HROB: variants seen among roughly 807,000 people sequenced by gnomAD.
HROB encodes the protein homologous recombination OB-fold protein.
In HROB, 44 loss-of-function variants were observed where a neutral mutation model predicts 61.0. The observed-to-expected ratio is 0.72, with a 90% CI of 0.57 to 0.93. The LOEUF is 0.93. Ranked by LOEUF, HROB falls within the 40% of genes least tolerant of loss-of-function variation. The pLI, the probability that HROB is intolerant of heterozygous loss-of-function variation, is 0.00. For synonymous variants in HROB, 301 were observed against 310.4 expected (o/e 0.97, Z 0.32); for missense variants, 716 against 796.2 (o/e 0.90, Z 1.21).
intron 8 of HROB, among the ~76,000 whole-genome samples, chr17:44,156,798 G>A (rs569550600): frequency 6.6e-6 from 1 of 152,194 alleles, no homozygotes; most frequent in South Asian, 2.1e-4. Context: ...GAGTAGCTGG[G>A]ATTACAGGTG....
In HROB at chr17:44,157,946, A is replaced by G. The variant is rs2144094988; in HGVS notation, c.1879+5A>G. 1 of 1,607,838 alleles carries G rather than the reference A, an allele frequency of 6.2e-7. No homozygotes were observed. The highest frequency in any genetic ancestry group is 1.1e-5 in the South Asian group (1 of 90,604). On this transcript the variant is annotated splice_donor_5th_base_variant and intron_variant, in intron 9 of 9. Transcript: ENST00000585683. ...AGGAAGAACTCCCAGAAGCAGGTAA[A>G]GCAGTCAGCCCATCTGGGAGCAAGA...
intron 5 of HROB, among the ~76,000 whole-genome samples, chr17:44,154,006 C>A (rs1423957715): frequency 6.6e-6 from 1 of 152,056 alleles, no homozygotes; most frequent in Non-Finnish European, 1.5e-5. Flanking sequence ...AAGGTCGTGC[C>A]ATGGTACTCC....
At position 44,156,542 on chromosome 17, in the gene HROB, C is replaced by G. The variant is rs184924142; in HGVS notation, c.1770+1131C>G. Among the ~76,000 whole-genome samples the G allele has an allele frequency of 4.1e-4, 62 of 152,034 alleles. 1 individual carries two copies. The highest frequency in any genetic ancestry group is 1.5e-3 in the African/African-American group (62 of 41,488). On this transcript the variant is annotated intron_variant, in intron 8 of 9. Coordinates refer to ENST00000585683, the MANE Select transcript of HROB (RefSeq NM_001171251.3). The stretch of plus-strand genomic sequence containing the variant: ...CTCGGCCTATTTTTCTTTTAAATTT[C>G]AAATTATCTATACTTATTGAAATAA...
At chr17:44,151,228 G>T (rs958350477) in intron 4 of HROB, among the ~76,000 whole-genome samples, 184 bp downstream of exon 4, 11 of 152,342 alleles carry the variant, frequency 7.2e-5, no homozygotes, top group African/African-American at 2.6e-4. Context: ...AGTGAGGCCT[G>T]TCCTGGTGCC....
chr17:44,161,647 A>G (rs934340897), intron 9 of HROB, among the ~76,000 whole-genome samples: 61 of 152,262 alleles, frequency 4.0e-4, no homozygotes, highest in African/African-American at 1.4e-3. Flanking sequence ...TGGCCCAGGG[A>G]TTACGCCCCC....
chr17:44,141,976 C>G lies in HROB; in HGVS notation c.-167C>G, dbSNP rs2053454732. On this transcript the variant is annotated 5_prime_UTR_variant, in exon 1 of 10. Transcript: ENST00000585683. ...GGCCTAAGGCGCCTGCCGCCAGTCTCCTGGCGACTTTCCCTATATCGCAGA... is the reference window on the plus strand; with the variant it reads ...GGCCTAAGGCGCCTGCCGCCAGTCTGCTGGCGACTTTCCCTATATCGCAGA... The G allele has an allele frequency of 1.0e-6, 1 of 973,760 alleles. No individual in the cohort carries two copies. The highest frequency in any genetic ancestry group is 3.2e-5 in the East Asian group (1 of 31,572). The allele number at this position is 973,760 out of a possible 1,614,324, so 60.3% of individuals were successfully genotyped here.
chr17:44,149,796 A>G (rs1487923934), intron 3 of HROB, among the ~76,000 whole-genome samples: 1 of 152,222 alleles, frequency 6.6e-6, no homozygotes, highest in Non-Finnish European at 1.5e-5. Flanking sequence ...TGTCCTAAAG[A>G]ACTTACAGTG....
chr17:44,151,338 A>G (rs910428908), intron 4 of HROB, among the ~76,000 whole-genome samples: 2 of 152,130 alleles, frequency 1.3e-5, no homozygotes, highest in African/African-American at 4.8e-5. Context: ...AGACTGTGAT[A>G]AGTATTATGA....
At chr17:44,145,082 C>A in intron 1 of HROB, 121 bp from the exon 2 acceptor site, 2 of 1,119,046 alleles carry the variant, frequency 1.8e-6, no homozygotes, top group Non-Finnish European at 2.7e-6. Context: ...CCAGCCGTAG[C>A]AAAAACAAAC....
In HROB at chr17:44,154,838, A is replaced by G; in HGVS notation, c.1559-15A>G. 6.2e-7 allele frequency: 1 copy of G among 1,613,884 alleles called. No individual in the cohort carries two copies. Among genetic ancestry groups the G allele is most frequent in the East Asian group, 2.2e-5 (1 of 44,870 alleles). On this transcript the variant is annotated splice_polypyrimidine_tract_variant and intron_variant, in intron 6 of 9. Transcript: ENST00000585683. ...CCCTTGACCCCGAGACTGATGGGCCATGTGGTATTTGCAGGAGAGATGCAG... is the reference window on the plus strand; with the variant it reads ...CCCTTGACCCCGAGACTGATGGGCCGTGTGGTATTTGCAGGAGAGATGCAG...
At chr17:44,146,631 GGA>G (rs1471398806) in intron 2 of HROB, among the ~76,000 whole-genome samples, 2 of 152,090 alleles carry the variant, frequency 1.3e-5, no homozygotes, top group Admixed American at 1.3e-4. Flanking sequence ...GAGCTCTTTG[GGA>G]GAAAAAAGAC....
At chr17:44,151,941 G>A (rs1436832601) in intron 4 of HROB, among the ~76,000 whole-genome samples, 1 of 152,012 alleles carries the variant, frequency 6.6e-6, no homozygotes, top group Non-Finnish European at 1.5e-5. Context: ...CCGCCTCCTG[G>A]GTTCAGGCTA....
At chr17:44,147,740 T>G in intron 2 of HROB, 118 bp from the exon 3 acceptor site, 10 of 1,029,900 alleles carry the variant, frequency 9.7e-6, no homozygotes, top group African/African-American at 1.6e-5. Flanking sequence ...CCGACCCTCA[T>G]GCTTTGGTTT....
At chr17:44,153,686 G>A (rs548749485) in intron 5 of HROB, among the ~76,000 whole-genome samples, 16 of 152,188 alleles carry the variant, frequency 1.1e-4, no homozygotes, top group East Asian at 7.7e-4. Context: ...CAGAAGTTGC[G>A]GTGAGCCAAG....
chr17:44,158,087 G>A, intron 9 of HROB, 146 bp downstream of exon 9: 1 of 615,852 alleles, frequency 1.6e-6, no homozygotes, highest in Middle Eastern at 2.7e-4. Flanking sequence ...ACAGTGTCTT[G>A]TTTGGCAAGG....
At position 44,148,964 on chromosome 17, in the gene HROB, C is replaced by T. The variant is rs1241647925; in HGVS notation, c.1161C>T (p.Thr387=). 2 of 1,613,974 alleles carry T rather than the reference C, an allele frequency of 1.2e-6. No homozygotes were observed. Among genetic ancestry groups the T allele is most frequent in the African/African-American group, 2.7e-5 (2 of 74,920 alleles). The change falls in exon 3 of 10, where the codon ACC becomes ACT. Residue 387 remains threonine, a synonymous_variant. Coordinates refer to ENST00000585683, the MANE Select transcript of HROB (RefSeq NM_001171251.3). ...CCAGCCGGACACCCCAGCAGCCCAC[C>T]CATCCCTCCACCCGAGCCAAAACTC... ...TAASRTPQQP[T]HPSTRAKTRR... is the part of the protein sequence containing the mutation.
chr17:44,148,369 A>G lies in HROB; in HGVS notation c.566A>G (p.Gln189Arg), dbSNP rs745451476. Residue 189 changes from glutamine to arginine, a missense_variant, in exon 3 of 10, where the codon CAG (glutamine) becomes CGG (arginine). Transcript: ENST00000585683. ...SSEAIPILPA[Q>R]QREGSVLAKK... is the part of the protein sequence containing the mutation. ...GAGGCCATACCAATCCTGCCTGCCC[A>G]GCAGCGGGAGGGTTCAGTATTGGCT... is the stretch of plus-strand genomic sequence containing the variant. 4 of 1,614,154 alleles carry G rather than the reference A, an allele frequency of 2.5e-6. No individual in the cohort carries two copies. The East Asian group carries it at 8.9e-5, about 36-fold the overall frequency.
At chr17:44,155,558 A>G (rs2053947666) in intron 8 of HROB, 147 bp downstream of exon 8, 2 of 1,266,164 alleles carry the variant, frequency 1.6e-6, no homozygotes, top group African/African-American at 1.5e-5. Flanking sequence ...GGACAGGACC[A>G]TCTCCTATCC....
chr17:44,161,380 C>T (rs2054135368), intron 9 of HROB, among the ~76,000 whole-genome samples: 1 of 152,078 alleles, frequency 6.6e-6, no homozygotes, highest in African/African-American at 2.4e-5. Flanking sequence ...AGTTCTCGGA[C>T]ATAAGTACCA....
Sources: gnomAD v4.1 joint callset for allele counts (sites outside exome capture counted in the v4.1 genomes callset) on GRCh38, gnomAD v4.1.1 for gene constraint, MANE v1.5 for transcripts, NCBI Gene and HGNC (gene_info 2026-07-23, HGNC 2026-07-21) for gene names.